The following DNAI4 variants were observed in gnomAD, a reference collection of about 807,000 sequenced individuals.
DNAI4 encodes the protein WD repeat domain 78.
DNAI4 carries 85 observed loss-of-function variants against 105.8 expected under a neutral mutation model. The ratio of observed to expected loss-of-function variants is 0.80; its 90% CI spans 0.67 to 0.96. The LOEUF (loss-of-function observed/expected upper bound fraction) is 0.96, where lower values mean the gene tolerates loss of function less well. Ranked by LOEUF, DNAI4 falls within the 40% of genes least tolerant of loss-of-function variation. The pLI, the probability that DNAI4 is intolerant of heterozygous loss-of-function variation, is 0.00. For synonymous variants in DNAI4, 352 were observed against 331.5 expected (o/e 1.06, Z -0.67); for missense variants, 1,014 against 1,005.6 (o/e 1.01, Z -0.11).
At chr1:66,847,722 A>G in intron 7 of DNAI4, 44 bp from the exon 8 acceptor site, 1 of 1,405,930 alleles carries the variant, frequency 7.1e-7, no homozygotes. Context: ...ATTCAAATGG[A>G]TGGTTCATAC....
chr1:66,909,285 T>TACACACACACACACACACACAC (rs71058481), intron 1 of DNAI4, among the ~76,000 whole-genome samples: 1,924 of 134,488 alleles, frequency 0.014, 46 homozygotes, highest in Middle Eastern at 0.022. Context: ...CACCTCTCTC[T>TACACACACACACACACACACAC]ACACACACAC....
At position 66,865,792 on chromosome 1, in the gene DNAI4, T is replaced by C. The variant is rs543173339; in HGVS notation, c.941-3490A>G. On this transcript the variant is annotated intron_variant, in intron 6 of 16. Transcript: ENST00000371026. ...TCATTCCTTCTCCTAAATTCTCTTA[T>C]GGAATTAGTCACTTCTCTTTTCCTG... Among the ~76,000 whole-genome samples, 96 of 152,316 alleles carry C rather than the reference T, an allele frequency of 6.3e-4. No individual in the cohort carries two copies. In the South Asian group the frequency reaches 6.6e-3, roughly 11 times the overall value.
intron 7 of DNAI4, among the ~76,000 whole-genome samples, chr1:66,849,080 C>G (rs927820043): frequency 3.3e-5 from 5 of 152,276 alleles, no homozygotes; most frequent in Middle Eastern, 3.4e-3. Context: ...AGCTGGGGAT[C>G]CTGGAATTCC....
intron 13 of DNAI4, among the ~76,000 whole-genome samples, chr1:66,830,336 A>G (rs1272882451): frequency 6.6e-6 from 1 of 152,126 alleles, no homozygotes; most frequent in Non-Finnish European, 1.5e-5. Flanking sequence ...AGAAGACACA[A>G]ATTACTAATA....
chr1:66,893,280 T>C lies in DNAI4; in HGVS notation c.479A>G (p.Tyr160Cys), dbSNP rs1648017919. ...GSLGSEFISS[Y>C]SLYQNTINPS... ...ATTTATTGTATTCTGATAAAGGCTA[T>C]AGGAAGATATAAATTCTGATCCAAG... Residue 160 changes from tyrosine (Y) to cysteine (C), a missense_variant, in exon 3 of 17, where the codon TAT (tyrosine) becomes TGT (cysteine). Physicochemically the swap from Tyr to Cys is radical, Grantham distance 194 (BLOSUM62 -2). Coordinates refer to ENST00000371026, the MANE Select transcript of DNAI4 (RefSeq NM_024763.5). 2 of 1,610,170 alleles carry C rather than the reference T, an allele frequency of 1.2e-6. No homozygotes were observed. The highest frequency in any genetic ancestry group is 1.7e-6 in the Non-Finnish European group (2 of 1,178,012).
intron 6 of DNAI4, among the ~76,000 whole-genome samples, chr1:66,866,219 A>AG (rs982125057): frequency 1.3e-5 from 2 of 151,956 alleles, no homozygotes; most frequent in African/African-American, 4.8e-5. Flanking sequence ...AGGCAGGAGA[A>AG]TCACTCGAAT....
chr1:66,866,975 G>A (rs572354526), intron 6 of DNAI4, among the ~76,000 whole-genome samples: 4 of 152,278 alleles, frequency 2.6e-5, no homozygotes, highest in Non-Finnish European at 4.4e-5. Context: ...AGCGAGTGAC[G>A]AGCGAAGGGG....
At position 66,813,969 on chromosome 1, in the gene DNAI4, A is replaced by G. The variant is rs900070794; in HGVS notation, c.*161T>C. 5 of 558,628 alleles carry G rather than the reference A, an allele frequency of 9.0e-6. No individual in the cohort carries two copies. The Admixed American group carries it at 1.1e-4, about 12-fold the overall frequency. The allele number at this position is 558,628 out of a possible 1,614,324, so 34.6% of individuals were successfully genotyped here. A position where few individuals can be genotyped will look rare whatever the true frequency, so the allele number is the denominator to read the frequency against. ...AACTCTTAGATTGTAAACTAATCAA[A>G]TATCTCTGAAATAAAAGTTTATTAA... On this transcript the variant is annotated 3_prime_UTR_variant, in exon 17 of 17. Coordinates refer to ENST00000371026, the MANE Select transcript of DNAI4 (RefSeq NM_024763.5).
At chr1:66,837,364 C>CAAA (rs529364212) in intron 10 of DNAI4, among the ~76,000 whole-genome samples, 19,681 of 82,036 alleles carry the variant, frequency 0.24, 2,166 homozygotes, top group East Asian at 0.53. Context: ...GACTCTGTCT[C>CAAA]AAAAAAAAAA....
chr1:66,891,154 C>T lies in DNAI4; in HGVS notation c.643G>A (p.Asp215Asn), dbSNP rs1251758204. The change falls in exon 4 of 17, where the codon GAT (aspartate) becomes AAT (asparagine). Residue 215 changes from aspartate to asparagine, a missense_variant and splice_region_variant. Asp to Asn is a conservative substitution (Grantham distance 23). Transcript: ENST00000371026. ...AAATAAACAAGTATATTTTCATTAC[C>T]TGTGAAACTAGTCAATCTTTCCCGT... is the stretch of plus-strand genomic sequence containing the variant. Reference protein sequence around the residue: ...YKRERLTSFTDLQVIRAAPEK... With the variant: ...YKRERLTSFTNLQVIRAAPEK... 1 of 1,595,748 alleles carries T rather than the reference C, an allele frequency of 6.3e-7. No homozygotes were observed. Among genetic ancestry groups the T allele is most frequent in the South Asian group, 1.1e-5 (1 of 90,716 alleles).
intron 7 of DNAI4, among the ~76,000 whole-genome samples, chr1:66,859,286 CA>C (rs1185198265): frequency 6.6e-6 from 1 of 151,886 alleles, no homozygotes; most frequent in East Asian, 1.9e-4. Flanking sequence ...GGCTACAATC[CA>C]AAAAAACTAA....
chr1:66,891,312 A>G (rs763877482), intron 3 of DNAI4, 46 bp from the exon 4 acceptor site: 1 of 1,316,698 alleles, frequency 7.6e-7, no homozygotes. Flanking sequence ...AGATGTCCTT[A>G]TAGGAAACTA....
At chr1:66,922,460 G>A (rs1209910289) in intron 1 of DNAI4, among the ~76,000 whole-genome samples, 2 of 152,184 alleles carry the variant, frequency 1.3e-5, no homozygotes, top group Non-Finnish European at 2.9e-5. Flanking sequence ...ATGTAATTAG[G>A]CAAGAGGAAG....
At chr1:66,897,992 A>AC (rs1285349078) in intron 2 of DNAI4, among the ~76,000 whole-genome samples, 3 of 152,118 alleles carry the variant, frequency 2.0e-5, no homozygotes, top group African/African-American at 7.2e-5. Context: ...TATACTGTAG[A>AC]CTGACCCCAG....
chr1:66,898,632 C>T (rs1015536140), intron 2 of DNAI4, among the ~76,000 whole-genome samples: 8 of 152,208 alleles, frequency 5.3e-5, no homozygotes, highest in Non-Finnish European at 1.2e-4. Flanking sequence ...GAGTCCCCCA[C>T]TAGCGAGGAG....
rs1182522674 is a variant in DNAI4 at position 66,813,876 on chromosome 1, G to T, written c.*254C>A. On this transcript the variant is annotated 3_prime_UTR_variant, in exon 17 of 17. Coordinates refer to ENST00000371026, the MANE Select transcript of DNAI4 (RefSeq NM_024763.5). Reference sequence around the variant, plus strand: ...ATGTACATGTACTCATATGTACTTAGAATATGATCAAGAGAGTAGGAATAT... The same window carrying T: ...ATGTACATGTACTCATATGTACTTATAATATGATCAAGAGAGTAGGAATAT... 2 of 357,380 alleles carry T rather than the reference G, an allele frequency of 5.6e-6. No homozygotes were observed. Among genetic ancestry groups the T allele is most frequent in the Non-Finnish European group, 1.0e-5 (2 of 199,248 alleles). The allele number at this position is 357,380 out of a possible 1,614,324, so 22.1% of individuals were successfully genotyped here.
chr1:66,823,523 C>T (rs1461671159), intron 15 of DNAI4, among the ~76,000 whole-genome samples: 2 of 147,480 alleles, frequency 1.4e-5, no homozygotes, highest in Non-Finnish European at 3.0e-5. Context: ...ACAGTCCCAC[C>T]AACAGTGTAA....
chr1:66,836,139 GAAAAGAAAGAAAGAAA>G (rs1557907836), intron 10 of DNAI4, among the ~76,000 whole-genome samples: 1 of 71,322 alleles, frequency 1.4e-5, no homozygotes, highest in Non-Finnish European at 2.9e-5. Flanking sequence ...AAGAAAGAAA[GAAAAGAAAGAAAGAAA>G]GAAAGAAAGA....
intron 1 of DNAI4, among the ~76,000 whole-genome samples, chr1:66,922,339 A>G (rs1329371542): frequency 3.5e-5 from 5 of 143,850 alleles, no homozygotes; most frequent in Admixed American, 7.0e-5. Flanking sequence ...CAGTTACCTA[A>G]AGGAGGTGAG....
Sources: gnomAD v4.1 joint callset for allele counts (sites outside exome capture counted in the v4.1 genomes callset) on GRCh38, gnomAD v4.1.1 for gene constraint, MANE v1.5 for transcripts, NCBI Gene and HGNC (gene_info 2026-07-23, HGNC 2026-07-21) for gene names.